The following NHSL1 variants were observed in gnomAD, a reference collection of about 807,000 sequenced individuals.
NHSL1 encodes NHS like 1.
In NHSL1, 48 loss-of-function variants were observed where a neutral mutation model predicts 95.0. The observed-to-expected ratio is 0.51, with a 90% CI of 0.40 to 0.64. The LOEUF is 0.64. NHSL1 is among the 30% of genes least tolerant of loss of function. NHSL1 has a pLI of 0.00. For synonymous variants in NHSL1, 783 were observed against 833.9 expected (o/e 0.94, Z 1.05); for missense variants, 1,971 against 2,077.7 (o/e 0.95, Z 1.00).
intron 2 of NHSL1, among the ~76,000 whole-genome samples, chr6:138,479,251 A>T (rs1425285647): frequency 2.0e-5 from 3 of 152,100 alleles, no homozygotes; most frequent in Non-Finnish European, 4.4e-5. Flanking sequence ...TTTACCATGG[A>T]TCTTAGCAAC....
At chr6:138,460,835 C>T (rs1777948495) in intron 3 of NHSL1, among the ~76,000 whole-genome samples, 1 of 151,352 alleles carries the variant, frequency 6.6e-6, no homozygotes, top group South Asian at 2.1e-4. Flanking sequence ...AGCCTCCCTC[C>T]ACCAGCACTC....
chr6:138,507,629 A>T (rs542546051), intron 1 of NHSL1, among the ~76,000 whole-genome samples: 6 of 152,362 alleles, frequency 3.9e-5, no homozygotes, highest in Admixed American at 3.9e-4. Context: ...ATGCAGAGAT[A>T]CTGTCCACAG....
intron 1 of NHSL1, among the ~76,000 whole-genome samples, chr6:138,520,122 G>A (rs1240420374): frequency 6.6e-6 from 1 of 151,796 alleles, no homozygotes. Flanking sequence ...AACATAATAA[G>A]GCAAAACAGA....
At chr6:138,693,143 A>G (rs1057235782), upstream of NHSL1, among the ~76,000 whole-genome samples, 33 of 151,432 alleles carry the variant, frequency 2.2e-4, no homozygotes, top group Middle Eastern at 3.2e-3. The surrounding 1 kb of genome is among the most constrained non-coding windows in gnomAD (Gnocchi z 4.3). Flanking sequence ...GGCGGGCAGG[A>G]AAGCGCCGGC....
intron 1 of NHSL1, among the ~76,000 whole-genome samples, chr6:138,681,130 G>A (rs1785506441): frequency 6.6e-6 from 1 of 152,144 alleles, no homozygotes; most frequent in Non-Finnish European, 1.5e-5. Context: ...ACAGAACAAT[G>A]AGGAAAATAA....
At chr6:138,648,625 C>G (rs760950449) in intron 1 of NHSL1, among the ~76,000 whole-genome samples, 6 of 152,202 alleles carry the variant, frequency 3.9e-5, no homozygotes, top group Non-Finnish European at 8.8e-5. Flanking sequence ...GGAACTTGCA[C>G]AGTATCGATT....
At chr6:138,464,370 C>T in intron 3 of NHSL1, 3 of 466,398 alleles carry the variant, frequency 6.4e-6, no homozygotes, top group South Asian at 4.8e-5. Context: ...GTCGCCATCG[C>T]TGCCTTCGCC....
chr6:138,610,524 G>T (rs1361407950), intron 1 of NHSL1, among the ~76,000 whole-genome samples: 1 of 143,756 alleles, frequency 7.0e-6, no homozygotes, highest in South Asian at 2.2e-4. Context: ...ATGTACCCTA[G>T]AACTAAAAGT....
chr6:138,665,435 G>A (rs1208419836), intron 1 of NHSL1, among the ~76,000 whole-genome samples: 7 of 152,092 alleles, frequency 4.6e-5, no homozygotes, highest in Admixed American at 4.6e-4. Flanking sequence ...CAACTTCTGT[G>A]GTCGGTCTCA....
chr6:138,637,993 T>G (rs985543595), intron 1 of NHSL1, among the ~76,000 whole-genome samples: 1 of 152,196 alleles, frequency 6.6e-6, no homozygotes, highest in African/African-American at 2.4e-5. Context: ...ATTTTTAAAA[T>G]GTAGTACTTA....
chr6:138,546,427 C>CAAAAAAAAAAAAAAAAAAAAAAAAAAAAA (rs1177720465), upstream of NHSL1, among the ~76,000 whole-genome samples: 4 of 50,918 alleles, frequency 7.9e-5, 1 homozygote, highest in African/African-American at 1.9e-4. Context: ...CCCATCTCTA[C>CAAAAAAAAAAAAAAAAAAAAAAAAAAAAA]AAAAAAAAAA....
intron 1 of NHSL1, among the ~76,000 whole-genome samples, chr6:138,626,306 ACAGGAGTCTCTTC>A (rs1349487093): frequency 6.6e-6 from 1 of 152,232 alleles, no homozygotes; most frequent in African/African-American, 2.4e-5. Flanking sequence ...GAATGTTAAT[ACAGGAGTCTCTTC>A]CCTCGCAAAG....
intron 1 of NHSL1, among the ~76,000 whole-genome samples, chr6:138,603,752 A>G (rs1366620693): frequency 6.6e-6 from 1 of 152,246 alleles, no homozygotes; most frequent in Non-Finnish European, 1.5e-5. Flanking sequence ...GGTACACTAA[A>G]TGCTACCAAG....
chr6:138,502,808 T>C (rs929988502), upstream of NHSL1, among the ~76,000 whole-genome samples: 1 of 152,210 alleles, frequency 6.6e-6, no homozygotes, highest in Admixed American at 6.5e-5. Flanking sequence ...CAGGTCATGA[T>C]GAAAACTAAG....
At chr6:138,491,037 C>T (rs531004718) in intron 2 of NHSL1, among the ~76,000 whole-genome samples, 13 of 152,314 alleles carry the variant, frequency 8.5e-5, no homozygotes, top group East Asian at 1.9e-4. Context: ...TTCTCAACTC[C>T]TATCCTTTCA....
Position 138,432,089 on chromosome 6 carries a change from G to A in NHSL1, c.2256C>T (p.Thr752=), listed in dbSNP as rs748832859. 1 of 1,551,630 alleles carries A rather than the reference G, an allele frequency of 6.4e-7. No individual in the cohort carries two copies. The highest frequency in any genetic ancestry group is 1.2e-5 in the South Asian group (1 of 84,058). Residue 752 remains threonine, a synonymous_variant, in exon 6 of 8, where the codon ACC becomes ACT. Transcript: ENST00000343505. This position sits in a 1 kb window ranked among gnomAD's most constrained non-coding sequence, Gnocchi z 4.4. The part of the protein sequence containing the change: ...VSAGSSMTSA[T]TPNVYSLCGA... ...CGCACAGGGAGTAGACATTGGGGGT[G>A]GTGGCGGAAGTCATGCTGCTGCCAG...
At chr6:138,425,381 G>C (rs889184602) in intron 7 of NHSL1, among the ~76,000 whole-genome samples, 2 of 152,182 alleles carry the variant, frequency 1.3e-5, no homozygotes, top group African/African-American at 2.4e-5. Flanking sequence ...ATAGGCGTGA[G>C]CCACTGTGCC....
intron 1 of NHSL1, among the ~76,000 whole-genome samples, chr6:138,626,044 T>A (rs1784733256): frequency 6.6e-6 from 1 of 152,386 alleles, no homozygotes; most frequent in Non-Finnish European, 1.5e-5. Flanking sequence ...TTCTTGTTCC[T>A]GCACTGAGGC....
At chr6:138,625,199 A>G (rs1784720324) in intron 1 of NHSL1, among the ~76,000 whole-genome samples, 1 of 152,018 alleles carries the variant, frequency 6.6e-6, no homozygotes, top group Non-Finnish European at 1.5e-5. Flanking sequence ...GCTGGAGTGC[A>G]GTGTGTGATC....
Sources: allele counts gnomAD v4.1 joint callset (sites outside exome capture counted in the v4.1 genomes callset), GRCh38; gene constraint gnomAD v4.1.1; non-coding constraint Gnocchi (gnomAD v3.1); transcripts MANE v1.5; gene names NCBI Gene and HGNC (gene_info 2026-07-23, HGNC 2026-07-21).